GRM8: variants seen among roughly 807,000 people sequenced by gnomAD.
GRM8 encodes the protein metabotropic glutamate receptor 8.
In GRM8, 47 loss-of-function variants were observed where a neutral mutation model predicts 87.2. That is an observed-to-expected ratio of 0.54 (90% confidence interval 0.43 to 0.69). The LOEUF (loss-of-function observed/expected upper bound fraction) is 0.69, where lower values mean the gene tolerates loss of function less well. Ranked by LOEUF, GRM8 falls within the 30% of genes least tolerant of loss-of-function variation. The probability of loss-of-function intolerance (pLI) is 0.00; values close to 1 mark genes in which losing one functional copy is unlikely to be tolerated. For missense variants in GRM8, 1,019 were observed against 1,139.2 expected (o/e 0.89, Z 1.52); for synonymous variants, 396 against 404.5 (o/e 0.98, Z 0.25).
intron 8 of GRM8, among the ~76,000 whole-genome samples, chr7:126,563,115 G>T (rs886433479): frequency 6.6e-6 from 1 of 152,082 alleles, no homozygotes; most frequent in Admixed American, 6.6e-5. Context: ...TAGCACTTAC[G>T]TGTGCTTCCT....
intron 9 of GRM8, among the ~76,000 whole-genome samples, chr7:126,494,518 G>A (rs1178381726): frequency 2.0e-5 from 3 of 151,936 alleles, no homozygotes; most frequent in African/African-American, 7.2e-5. Context: ...AACAAAAACA[G>A]TAAAATATGA....
At chr7:126,715,705 A>G (rs1176522119) in intron 7 of GRM8, among the ~76,000 whole-genome samples, 1 of 152,168 alleles carries the variant, frequency 6.6e-6, no homozygotes, top group Non-Finnish European at 1.5e-5. Flanking sequence ...ATGTTGTTTA[A>G]GGATCTACTG....
intron 7 of GRM8, among the ~76,000 whole-genome samples, chr7:126,704,842 T>C (rs924638410): frequency 1.3e-5 from 2 of 152,146 alleles, no homozygotes; most frequent in Non-Finnish European, 2.9e-5. Context: ...GAAACTTCAT[T>C]AGCAATTTTA....
intron 2 of GRM8, among the ~76,000 whole-genome samples, chr7:127,144,703 TCTCA>T (rs761505139): frequency 3.9e-5 from 6 of 152,122 alleles, no homozygotes; most frequent in Non-Finnish European, 7.4e-5. Flanking sequence ...TTTAGTCTGT[TCTCA>T]CTGTCAGTGA....
intron 3 of GRM8, among the ~76,000 whole-genome samples, chr7:127,087,970 A>G: frequency 6.6e-6 from 1 of 152,204 alleles, no homozygotes; most frequent in African/African-American, 2.4e-5. Flanking sequence ...TGACAATCAC[A>G]CATGGAATTC....
chr7:126,894,447 A>T (rs773201402), intron 6 of GRM8, among the ~76,000 whole-genome samples: 7 of 152,040 alleles, frequency 4.6e-5, no homozygotes, highest in Non-Finnish European at 1.0e-4. Flanking sequence ...TGGGTTTTGC[A>T]GAAAGGATTT....
intron 7 of GRM8, among the ~76,000 whole-genome samples, chr7:126,620,252 C>A (rs545769303): frequency 6.6e-6 from 1 of 152,272 alleles, no homozygotes; most frequent in African/African-American, 2.4e-5. Context: ...TGCGCTACTG[C>A]ACTCCAACTC....
At chr7:126,588,309 GA>G (rs60703637) in intron 8 of GRM8, among the ~76,000 whole-genome samples, 46,908 of 151,932 alleles carry the variant, frequency 0.31, 8,120 homozygotes, top group East Asian at 0.44. Flanking sequence ...ATAGAAAGTT[GA>G]AAAGTGTTTT....
At chr7:126,450,371 CCTGA>C (rs1438388132) in intron 9 of GRM8, among the ~76,000 whole-genome samples, 1 of 151,792 alleles carries the variant, frequency 6.6e-6, no homozygotes, top group Non-Finnish European at 1.5e-5. Flanking sequence ...AGTATTTATT[CCTGA>C]CTATTTCTGT....
At chr7:127,251,753 G>A (rs1369172021) in intron 1 of GRM8, among the ~76,000 whole-genome samples, 1 of 151,816 alleles carries the variant, frequency 6.6e-6, no homozygotes, top group East Asian at 1.9e-4. Flanking sequence ...CCAGCCGCGG[G>A]AGCTACCGAG....
chr7:126,761,454 T>C (rs1817584036), intron 7 of GRM8, among the ~76,000 whole-genome samples: 1 of 152,148 alleles, frequency 6.6e-6, no homozygotes, highest in African/African-American at 2.4e-5. Context: ...CACATGTACC[T>C]TTACTTTCCT....
chr7:126,957,392 TC>T (rs1236641793), intron 3 of GRM8, among the ~76,000 whole-genome samples: 1 of 152,006 alleles, frequency 6.6e-6, no homozygotes, highest in African/African-American at 2.4e-5. Flanking sequence ...GGGAGCCCCA[TC>T]CCCTACCGAG....
chr7:126,471,852 CCT>C (rs1805297709), intron 9 of GRM8, among the ~76,000 whole-genome samples: 1 of 151,884 alleles, frequency 6.6e-6, no homozygotes, highest in African/African-American at 2.4e-5. Context: ...TTGTTTGTAT[CCT>C]CTTTTATTTC....
chr7:126,669,851 C>T (rs1455049729), intron 7 of GRM8, among the ~76,000 whole-genome samples: 2 of 152,022 alleles, frequency 1.3e-5, no homozygotes, highest in Admixed American at 1.3e-4. Flanking sequence ...TAAATTTTTG[C>T]CTAGGGTTAA....
At chr7:127,085,579 CAT>C (rs1260366013) in intron 3 of GRM8, among the ~76,000 whole-genome samples, 4 of 152,174 alleles carry the variant, frequency 2.6e-5, no homozygotes, top group Non-Finnish European at 2.9e-5. Flanking sequence ...AGCATTTTTT[CAT>C]ATGTCTGTTG....
chr7:126,552,535 C>T (rs1276446485), intron 8 of GRM8, among the ~76,000 whole-genome samples: 2 of 152,002 alleles, frequency 1.3e-5, no homozygotes, highest in East Asian at 1.9e-4. Flanking sequence ...GCTAATACTC[C>T]AAAATCCATT....
At chr7:126,495,977 A>C (rs1258319146) in intron 9 of GRM8, among the ~76,000 whole-genome samples, 1 of 151,980 alleles carries the variant, frequency 6.6e-6, no homozygotes, top group Admixed American at 6.6e-5. Flanking sequence ...TCAAAGCCAA[A>C]TACTTCAAAA....
At chr7:126,494,094 T>C (rs1280354229) in intron 9 of GRM8, among the ~76,000 whole-genome samples, 1 of 152,020 alleles carries the variant, frequency 6.6e-6, no homozygotes, top group Admixed American at 6.6e-5. Flanking sequence ...TAATCCAAGC[T>C]CTACTTTCCA....
chr7:126,829,504 A>T (rs1272810289), intron 6 of GRM8, among the ~76,000 whole-genome samples: 1 of 144,154 alleles, frequency 6.9e-6, no homozygotes, highest in African/African-American at 2.6e-5. Flanking sequence ...AGTCTGTTTT[A>T]TCAGAGACTA....
Sources: gnomAD v4.1 joint callset for allele counts (sites outside exome capture counted in the v4.1 genomes callset) on GRCh38, gnomAD v4.1.1 for gene constraint, MANE v1.5 for transcripts, NCBI Gene and HGNC (gene_info 2026-07-23, HGNC 2026-07-21) for gene names.